LRRFIP1: variants seen among roughly 807,000 people sequenced by gnomAD.
The protein encoded by LRRFIP1 is leucine-rich repeat flightless-interacting protein 1.
In LRRFIP1, 62 loss-of-function variants were observed where a neutral mutation model predicts 104.4. The observed-to-expected ratio is 0.59, with a 90% confidence interval of 0.48 to 0.73. The LOEUF is 0.73. Ranked by LOEUF, LRRFIP1 falls within the 30% of genes least tolerant of loss-of-function variation. LRRFIP1 has a pLI of 0.00. For synonymous variants in LRRFIP1, 300 were observed against 299.0 expected (o/e 1.00, Z -0.03); for missense variants, 796 against 824.5 (o/e 0.97, Z 0.42).
chr2:237,757,966 A>G (rs2059447897), intron 17 of LRRFIP1, among the ~76,000 whole-genome samples: 1 of 151,768 alleles, frequency 6.6e-6, no homozygotes, highest in Non-Finnish European at 1.5e-5. Context: ...CCACTTTGAA[A>G]TCTTCCCCAG....
chr2:237,769,856 C>G lies in LRRFIP1; in HGVS notation c.1460-87C>G, dbSNP rs938667540. 1.6e-5 allele frequency: 16 copies of G among 970,216 alleles called. No individual in the cohort carries two copies. The African/African-American group carries it at 1.9e-4, about 12-fold the overall frequency. 60.1% of individuals were successfully genotyped at this position (970,216 alleles called of 1,614,324 possible). A position where few individuals can be genotyped will look rare whatever the true frequency, so the allele number is the denominator to read the frequency against. ...CTACTTCCATCATTCATTTCACTAA[C>G]CTGAACGATCATTCTTCAGTTTAGC... On this transcript the variant is annotated intron_variant, in intron 19 of 23. Coordinates refer to ENST00000308482, the MANE Select transcript of LRRFIP1 (RefSeq NM_001137550.2).
In LRRFIP1 at chr2:237,769,946, T is replaced by G. The variant is rs768585002; in HGVS notation, c.1463T>G (p.Ile488Ser). 1 of 1,601,632 alleles carries G rather than the reference T, an allele frequency of 6.2e-7. No homozygotes were observed. The highest frequency in any genetic ancestry group is 8.5e-7 in the Non-Finnish European group (1 of 1,173,142). ...TGTGTCTTTGTGATTTCTTTAGATATTAGGTTGAAAAAGCTGGTTGATGAA... is the reference window on the plus strand; with the variant it reads ...TGTGTCTTTGTGATTTCTTTAGATAGTAGGTTGAAAAAGCTGGTTGATGAA... ...LKSTGDGTLD[I>S]RLKKLVDERE... The change falls in exon 20 of 24, where the codon ATT (isoleucine) becomes AGT (serine). Residue 488 changes from isoleucine to serine, a missense_variant. By Grantham distance (142) the Ile-to-Ser change is moderately radical. Coordinates refer to ENST00000308482, the MANE Select transcript of LRRFIP1 (RefSeq NM_001137550.2).
At chr2:237,669,746 A>T (rs2090043770) in intron 1 of LRRFIP1, among the ~76,000 whole-genome samples, 1 of 152,194 alleles carries the variant, frequency 6.6e-6, no homozygotes, top group African/African-American at 2.4e-5. Context: ...GTAAATGCTT[A>T]ACCACACTCC....
rs1576428297 is a variant in LRRFIP1 at position 237,771,882 on chromosome 2, G to A, written c.1510-199G>A. ...CCTAGAAGAATTTCACTTTAGAAAT[G>A]ACTTTTCTCTCAGAGTTACAGTGTA... On this transcript the variant is annotated intron_variant, in intron 20 of 23. Transcript: ENST00000308482. The A allele has an allele frequency of 5.4e-6, 3 of 556,458 alleles. No individual in the cohort carries two copies. In the East Asian group the frequency reaches 8.9e-5, roughly 17 times the overall value. 34.5% of individuals were successfully genotyped at this position (556,458 alleles called of 1,614,324 possible).
intron 19 of LRRFIP1, among the ~76,000 whole-genome samples, chr2:237,761,646 A>C (rs2059883337): frequency 6.6e-6 from 1 of 152,250 alleles, no homozygotes; most frequent in African/African-American, 2.4e-5. Flanking sequence ...ATACTATTTC[A>C]TTAATATAAA....
intron 1 of LRRFIP1, among the ~76,000 whole-genome samples, chr2:237,682,193 C>T (rs947734896): frequency 1.9e-4 from 29 of 152,200 alleles, no homozygotes; most frequent in African/African-American, 5.5e-4. Context: ...CCTTGTTTTG[C>T]GGGAAAAAAA....
intron 11 of LRRFIP1, among the ~76,000 whole-genome samples, chr2:237,744,188 C>T (rs1427594433): frequency 1.3e-5 from 2 of 152,152 alleles, no homozygotes; most frequent in African/African-American, 4.8e-5. Flanking sequence ...AAAACCGTCA[C>T]CCTAGTGGTG....
At chr2:237,640,241 C>T (rs560878866) in intron 1 of LRRFIP1, among the ~76,000 whole-genome samples, 3 of 152,096 alleles carry the variant, frequency 2.0e-5, no homozygotes, top group Non-Finnish European at 4.4e-5. Context: ...AATGGAGACA[C>T]GAGCTGCCAA....
intron 19 of LRRFIP1, chr2:237,768,388 CT>C: frequency 6.6e-6 from 1 of 152,228 alleles, no homozygotes; most frequent in South Asian, 2.1e-4. Context: ...TTGAAGTTTT[CT>C]AGAAGAAAAC....
chr2:237,692,655 C>A lies in LRRFIP1; in HGVS notation c.97-15889C>A, dbSNP rs562132529. On this transcript the variant is annotated intron_variant, in intron 1 of 23. Coordinates refer to ENST00000308482, the MANE Select transcript of LRRFIP1 (RefSeq NM_001137550.2). ...GGTGGGCTCTGGCGGGACCCCAGCG[C>A]GGTGGGAGCGGGCGCAGTGGGCGCG... 2.2e-5 allele frequency: 27 copies of A among 1,221,974 alleles called. No individual in the cohort carries two copies. The East Asian group carries it at 8.3e-4, about 38-fold the overall frequency. The allele number at this position is 1,221,974 out of a possible 1,614,324, so 75.7% of individuals were successfully genotyped here.
At position 237,690,117 on chromosome 2, in the gene LRRFIP1, G is replaced by A. The variant is rs1565855; in HGVS notation, c.97-18427G>A. On this transcript the variant is annotated intron_variant, in intron 1 of 23. Transcript: ENST00000308482. ...TAACTAGCAATTGACTGGCAGCCTGGGGGTTAGGAAAATGTGTCTTGTGGC... is the reference window on the plus strand; with the variant it reads ...TAACTAGCAATTGACTGGCAGCCTGAGGGTTAGGAAAATGTGTCTTGTGGC... 3.3e-3 allele frequency among the ~76,000 whole-genome samples: 508 copies of A among 152,278 alleles called. 5 individuals carry two copies. The highest frequency in any genetic ancestry group is 0.012 in the African/African-American group (488 of 41,550).
intron 19 of LRRFIP1, among the ~76,000 whole-genome samples, chr2:237,767,567 A>G (rs183010953): frequency 9.8e-5 from 15 of 152,330 alleles, no homozygotes; most frequent in African/African-American, 2.9e-4. Flanking sequence ...GACAGCAATC[A>G]AATTTTTAAA....
chr2:237,732,121 G>T (rs562835371), intron 8 of LRRFIP1, among the ~76,000 whole-genome samples: 1 of 151,756 alleles, frequency 6.6e-6, no homozygotes, highest in Admixed American at 6.6e-5. Flanking sequence ...TCCTAATTTG[G>T]CCCCATCTCC....
At chr2:237,759,223 G>A (rs912145195) in intron 18 of LRRFIP1, among the ~76,000 whole-genome samples, 1 of 152,122 alleles carries the variant, frequency 6.6e-6, no homozygotes, top group African/African-American at 2.4e-5. Context: ...CAAGGATCCC[G>A]CTAATTAGAC....
intron 7 of LRRFIP1, among the ~76,000 whole-genome samples, chr2:237,724,379 T>C (rs1055889661): frequency 1.3e-5 from 2 of 152,252 alleles, no homozygotes; most frequent in Non-Finnish European, 2.9e-5. Flanking sequence ...GTTTTAAAAA[T>C]GTATTTTTGT....
In LRRFIP1 at chr2:237,666,727, CTTTT is replaced by C. The variant is rs2089325231; in HGVS notation, c.96+38988_96+38991del. The stretch of plus-strand genomic sequence containing the variant: ...TCATAGAGTGGAGTGCGCTTTCTTT[CTTTT>C]GTTCTTTCGTTCTTTCATTCTTTCT... On this transcript the variant is annotated intron_variant, in intron 1 of 23. Coordinates refer to ENST00000308482, the MANE Select transcript of LRRFIP1 (RefSeq NM_001137550.2). 3.2e-5 allele frequency among the ~76,000 whole-genome samples: 4 copies of C among 124,066 alleles called. No individual in the cohort carries two copies. In the South Asian group the frequency reaches 1.1e-3, roughly 35 times the overall value. The allele number at this position is 124,066 out of a possible 152,430, so 81.4% of individuals were successfully genotyped here.
At chr2:237,760,258 C>T (rs998981942) in intron 19 of LRRFIP1, 53 bp downstream of exon 19, 2 of 1,597,030 alleles carry the variant, frequency 1.3e-6, no homozygotes, top group Admixed American at 1.7e-5. Flanking sequence ...AGCATTGGTT[C>T]ACCCTCCATG....
At position 237,715,185 on chromosome 2, in the gene LRRFIP1, T is replaced by C. The variant is rs112422665; in HGVS notation, c.201+909T>C. ...CATGATGACGAATCGCCTTCCCTGC[T>C]GGAGCCCTGCACTCTGCATAGCTGC... On this transcript the variant is annotated intron_variant, in intron 3 of 23. Transcript: ENST00000308482. Among the ~76,000 whole-genome samples, 1,347 of 152,324 alleles carry C rather than the reference T, an allele frequency of 8.8e-3. 20 individuals are homozygous for C. Among genetic ancestry groups the C allele is most frequent in the African/African-American group, 0.03 (1,250 of 41,576 alleles).
chr2:237,770,004 TTTA>T lies in LRRFIP1; in HGVS notation c.1509+16_1509+18del. 1 of 1,596,072 alleles carries T rather than the reference TTTA, an allele frequency of 6.3e-7. No homozygotes were observed. The highest frequency in any genetic ancestry group is 8.5e-7 in the Non-Finnish European group (1 of 1,169,810). On this transcript the variant is annotated intron_variant, in intron 20 of 23. Coordinates refer to ENST00000308482, the MANE Select transcript of LRRFIP1 (RefSeq NM_001137550.2). The stretch of plus-strand genomic sequence containing the variant: ...GCTTATTGGAACAGGTAACAATCTT[TTTA>T]TTACTTTACCGGTTCATGAACAGGG...
Sources: gnomAD v4.1 joint callset for allele counts (sites outside exome capture counted in the v4.1 genomes callset) on GRCh38, gnomAD v4.1.1 for gene constraint, MANE v1.5 for transcripts, NCBI Gene and HGNC (gene_info 2026-07-23, HGNC 2026-07-21) for gene names.